DEGS2: variants seen among roughly 807,000 people sequenced by gnomAD.
DEGS2 encodes the protein sphingolipid delta(4)-desaturase/C4-monooxygenase DES2.
A neutral mutation model predicts 23.8 loss-of-function variants in DEGS2; 19 were observed. The ratio of observed to expected loss-of-function variants is 0.80; its 90% CI spans 0.56 to 1.17. DEGS2 has a LOEUF of 1.17. Ranked by LOEUF, DEGS2 falls within the 50% of genes most tolerant of loss-of-function variation. The pLI is 0.00. For synonymous variants in DEGS2, 218 were observed against 213.7 expected, an observed-to-expected ratio of 1.02 and a Z score of -0.18; for missense variants, 390 against 459.5, an observed-to-expected ratio of 0.85 and a Z score of 1.38.
chr14:100,165,526 AG>A, the DEGS2 span, among the ~76,000 whole-genome samples: 1 of 152,218 alleles, frequency 6.6e-6, no homozygotes, highest in Non-Finnish European at 1.5e-5. Context: ...GGGCGCAGCT[AG>A]CAGGGTGGAG....
rs575257352 is a variant in DEGS2, at chr14:100,159,113, C to T, written c.82+393G>A. 1.0e-3 allele frequency among the ~76,000 whole-genome samples: 159 copies of T among 152,266 alleles called. 9 individuals carry two copies. The South Asian group carries it at 0.032, about 31-fold the overall frequency. On this transcript the variant is annotated intron_variant, in intron 1 of 2. Coordinates refer to ENST00000305631, the MANE Select transcript of DEGS2 (RefSeq NM_206918.3). ...GCGCCCAGTGACTGCGGGTGGAGGC[C>T]CCGCGTCGCGCAAGCTGCCTCCGCG... is the stretch of plus-strand genomic sequence containing the variant.
At chr14:100,152,181 A>G (rs935550499) in intron 1 of DEGS2, among the ~76,000 whole-genome samples, 1 of 152,144 alleles carries the variant, frequency 6.6e-6, no homozygotes, top group South Asian at 2.1e-4. Context: ...GAGATGAGGT[A>G]GCGAGGGTGG....
At chr14:100,154,063 C>G (rs1889618067) in intron 1 of DEGS2, among the ~76,000 whole-genome samples, 1 of 152,178 alleles carries the variant, frequency 6.6e-6, no homozygotes, top group South Asian at 2.1e-4. Context: ...ACAGAGCACC[C>G]AGAGAAAATT....
chr14:100,159,646 G>A (rs892594444), upstream of DEGS2: 4 of 1,224,784 alleles, frequency 3.3e-6, no homozygotes, highest in South Asian at 1.7e-5. Flanking sequence ...CACCTGTCGC[G>A]GCGGCCGCGG....
In DEGS2 at chr14:100,159,514, T is replaced by G; in HGVS notation, c.74A>C (p.Glu25Ala). ...CCCCGCGCGGCGCTCACCCAGTATC[T>G]CCTTGCGCCGCTGCGTGTGCGGCTG... ...TDQPHTQRRK[E>A]ILAKYPAIKA... The change falls in exon 1 of 3, where the codon GAG becomes GCG. Residue 25 changes from glutamate to alanine, a missense_variant. Glu to Ala is a moderately radical substitution (Grantham distance 107). Transcript: ENST00000305631. 2 of 1,498,238 alleles carry G rather than the reference T, an allele frequency of 1.3e-6. No homozygotes were observed. Among genetic ancestry groups the G allele is most frequent in the Non-Finnish European group, 1.8e-6 (2 of 1,124,946 alleles). 92.8% of individuals were successfully genotyped at this position (1,498,238 alleles called of 1,614,324 possible).
intron 2 of DEGS2, among the ~76,000 whole-genome samples, chr14:100,147,759 G>A (rs59937995): frequency 0.012 from 1,747 of 151,246 alleles, 36 homozygotes; most frequent in African/African-American, 0.04. Flanking sequence ...CCAGGACAGC[G>A]GGGCCAGCAC....
chr14:100,159,063 G>C (rs1889705077), intron 1 of DEGS2, among the ~76,000 whole-genome samples: 1 of 152,206 alleles, frequency 6.6e-6, no homozygotes, highest in Non-Finnish European at 1.5e-5. Flanking sequence ...GTGGCCGCGA[G>C]ACCCAGGGGC....
intron 2 of DEGS2, among the ~76,000 whole-genome samples, 199 bp from the exon 3 acceptor site, chr14:100,147,106 C>T (rs1889462803): frequency 2.0e-5 from 3 of 152,224 alleles, no homozygotes; most frequent in Non-Finnish European, 4.4e-5. Flanking sequence ...TGCCCATGTC[C>T]AGCTTGGCCA....
intron 2 of DEGS2, among the ~76,000 whole-genome samples, chr14:100,148,568 C>G (rs1889499313): frequency 6.6e-6 from 1 of 152,246 alleles, no homozygotes; most frequent in Non-Finnish European, 1.5e-5. Flanking sequence ...AAGGCCCACC[C>G]TGTCCTCTCT....
In DEGS2 at chr14:100,145,724, A is replaced by G. The variant is rs1252831378; in HGVS notation, c.*1037T>C. On this transcript the variant is annotated 3_prime_UTR_variant, in exon 3 of 3. Coordinates refer to ENST00000305631, the MANE Select transcript of DEGS2 (RefSeq NM_206918.3). ...CTCCTGCTGCCTGCCCACCTCTGGG[A>G]CATCAGGACCCAACCCAGCCCTGCC... The G allele has an allele frequency of 6.6e-6, 1 of 152,350 alleles. No individual in the cohort carries two copies. Among genetic ancestry groups the G allele is most frequent in the Non-Finnish European group, 1.5e-5 (1 of 68,178 alleles). The allele number at this position is 152,350 out of a possible 1,614,324, so 9.4% of individuals were successfully genotyped here. A position where few individuals can be genotyped will look rare whatever the true frequency, so the allele number is the denominator to read the frequency against.
intron 2 of DEGS2, 64 bp downstream of exon 2, chr14:100,148,904 C>A (rs1889506975): frequency 6.5e-7 from 1 of 1,541,156 alleles, no homozygotes; most frequent in Admixed American, 1.9e-5. Flanking sequence ...CTTCCAGGGC[C>A]CCCACCTCCT....
At chr14:100,152,106 G>A (rs530128992) in intron 1 of DEGS2, among the ~76,000 whole-genome samples, 1 of 152,218 alleles carries the variant, frequency 6.6e-6, no homozygotes, top group East Asian at 1.9e-4. Flanking sequence ...GGTGTCCCTC[G>A]ACTTAGCCAG....
At chr14:100,166,440 T>G in the DEGS2 span, among the ~76,000 whole-genome samples, 7 of 151,434 alleles carry the variant, frequency 4.6e-5, no homozygotes, top group South Asian at 2.1e-4. Flanking sequence ...AGGGACCTAG[T>G]GGGCAGGAGG....
Position 100,152,075 on chromosome 14 carries a change from C to T in DEGS2, c.83-2365G>A, listed in dbSNP as rs553724374. Reference sequence around the variant, plus strand: ...TCAGCTGCCAGGGGTCACAGAGGTTCAGGGACAAGAAGAGAGAGCAGGTGT... The same window carrying T: ...TCAGCTGCCAGGGGTCACAGAGGTTTAGGGACAAGAAGAGAGAGCAGGTGT... On this transcript the variant is annotated intron_variant, in intron 1 of 2. Coordinates refer to ENST00000305631, the MANE Select transcript of DEGS2 (RefSeq NM_206918.3). 3.4e-4 allele frequency among the ~76,000 whole-genome samples: 51 copies of T among 152,232 alleles called. 1 individual carries two copies. The highest frequency in any genetic ancestry group is 1.1e-3 in the African/African-American group (47 of 41,532).
rs199587189 is a variant in DEGS2, at chr14:100,149,224, G to A, written c.569C>T (p.Thr190Met). 58 of 1,612,684 alleles carry A rather than the reference G, an allele frequency of 3.6e-5. No individual in the cohort carries two copies. The African/African-American group carries it at 4.9e-4, about 14-fold the overall frequency. ...CAGGTCGGCCGCCAGCTGCACCAGC[G>A]TGTTGAGCACCTCCATGCGGGTCAC... ...KAVTRMEVLN[T>M]LVQLAADLAI... The change falls in exon 2 of 3, where the codon ACG becomes ATG. Residue 190 changes from threonine (T) to methionine (M), a missense_variant. Thr to Met is a moderately conservative substitution (Grantham distance 81). Coordinates refer to ENST00000305631, the MANE Select transcript of DEGS2 (RefSeq NM_206918.3).
rs1889406641 is a variant in DEGS2, at chr14:100,144,771, A to G, written c.*1990T>C. On this transcript the variant is annotated 3_prime_UTR_variant, in exon 3 of 3. Coordinates refer to ENST00000305631, the MANE Select transcript of DEGS2 (RefSeq NM_206918.3). ...AGGCCTTGAGATCCTGTGACCACTC[A>G]TGCCCCCAGTTCTCCCACATGACCT... The G allele has an allele frequency of 6.6e-6, 1 of 152,364 alleles. No individual in the cohort carries two copies. Among genetic ancestry groups the G allele is most frequent in the African/African-American group, 2.4e-5 (1 of 41,572 alleles). 9.4% of individuals were successfully genotyped at this position (152,364 alleles called of 1,614,324 possible). A position where few individuals can be genotyped will look rare whatever the true frequency, so the allele number is the denominator to read the frequency against.
At chr14:100,160,055 G>C (rs1259556463), upstream of DEGS2, 1 of 152,974 alleles carries the variant, frequency 6.5e-6, no homozygotes, top group Non-Finnish European at 1.5e-5. Flanking sequence ...AGGAGGAGCG[G>C]CTGGCAGGAT....
At chr14:100,150,357 G>T (rs977014701) in intron 1 of DEGS2, among the ~76,000 whole-genome samples, 1 of 151,704 alleles carries the variant, frequency 6.6e-6, no homozygotes, top group East Asian at 1.9e-4. Flanking sequence ...CCTGGGGGCC[G>T]GCCAGCTCCA....
intron 1 of DEGS2, among the ~76,000 whole-genome samples, chr14:100,153,576 C>T (rs1295088329): frequency 2.0e-5 from 3 of 152,232 alleles, no homozygotes; most frequent in African/African-American, 7.2e-5. Context: ...TGGCTAGACA[C>T]CCAAACCTGG....
Sources: allele counts gnomAD v4.1 joint callset (sites outside exome capture counted in the v4.1 genomes callset), GRCh38; gene constraint gnomAD v4.1.1; transcripts MANE v1.5; gene names NCBI Gene and HGNC (gene_info 2026-07-23, HGNC 2026-07-21).